ADGRB3: variants seen among roughly 807,000 people sequenced by gnomAD.
ADGRB3 encodes brain-specific angiogenesis inhibitor 3.
A neutral mutation model predicts 193.4 loss-of-function variants in ADGRB3; 37 were observed. The ratio of observed to expected loss-of-function variants is 0.19; its 90% CI spans 0.15 to 0.25. ADGRB3 has a LOEUF of 0.25. Ranked by LOEUF, ADGRB3 falls within the 10% of genes least tolerant of loss-of-function variation. The pLI is 1.00. For synonymous variants in ADGRB3, 690 were observed against 644.2 expected (o/e 1.07, Z -1.08); for missense variants, 1,637 against 1,852.9 (o/e 0.88, Z 2.14).
At chr6:68,673,961 A>C (rs1769023348) in intron 3 of ADGRB3, among the ~76,000 whole-genome samples, 1 of 152,124 alleles carries the variant, frequency 6.6e-6, no homozygotes, top group Non-Finnish European at 1.5e-5. Context: ...ATTATAGTAA[A>C]TTTAAGGAAA....
chr6:68,817,961 C>T lies in ADGRB3; in HGVS notation c.758-112598C>T, dbSNP rs149642157. On this transcript the variant is annotated intron_variant, in intron 3 of 31. Transcript: ENST00000370598. The stretch of plus-strand genomic sequence containing the variant: ...CATCATTTTAGAAACACTTGATTGA[C>T]GAAATTGAGAAATACATCTGTAAGT... Among the ~76,000 whole-genome samples, 209 of 151,932 alleles carry T rather than the reference C, an allele frequency of 1.4e-3. 1 individual carries two copies. Among genetic ancestry groups the T allele is most frequent in the African/African-American group, 4.0e-3 (166 of 41,462 alleles).
intron 3 of ADGRB3, among the ~76,000 whole-genome samples, chr6:68,709,714 A>G (rs531940796): frequency 1.3e-4 from 20 of 152,324 alleles, no homozygotes; most frequent in African/African-American, 4.6e-4. Context: ...CATCAAGGAC[A>G]TAGCTCATAA....
intron 17 of ADGRB3, among the ~76,000 whole-genome samples, chr6:69,221,182 G>C (rs1765885776): frequency 2.6e-5 from 4 of 151,834 alleles, no homozygotes; most frequent in Non-Finnish European, 5.9e-5. Flanking sequence ...CATTATTTTA[G>C]GCTGTCTAAA....
chr6:69,224,007 T>C (rs1765955383), intron 17 of ADGRB3, among the ~76,000 whole-genome samples: 1 of 151,906 alleles, frequency 6.6e-6, no homozygotes, highest in African/African-American at 2.4e-5. Context: ...GCAGAAGTAA[T>C]ATAGTTACAC....
chr6:69,160,320 C>G (rs571373188), intron 17 of ADGRB3, among the ~76,000 whole-genome samples: 1 of 152,028 alleles, frequency 6.6e-6, no homozygotes, highest in African/African-American at 2.4e-5. Context: ...TCATCTCTGC[C>G]CTCATGTGCT....
intron 3 of ADGRB3, among the ~76,000 whole-genome samples, chr6:68,779,254 G>GTT (rs1247085710): frequency 2.0e-5 from 3 of 151,364 alleles, no homozygotes; most frequent in Non-Finnish European, 4.4e-5. Flanking sequence ...GTGTGTGTGT[G>GTT]TGTGTGTAAC....
intron 3 of ADGRB3, among the ~76,000 whole-genome samples, chr6:68,926,436 T>C (rs1299386276): frequency 6.6e-6 from 1 of 152,098 alleles, no homozygotes; most frequent in Admixed American, 6.6e-5. Flanking sequence ...CAGGCATCAC[T>C]AGAAAAGCAG....
At chr6:69,055,507 A>G (rs546092790) in intron 15 of ADGRB3, among the ~76,000 whole-genome samples, 1 of 152,216 alleles carries the variant, frequency 6.6e-6, no homozygotes, top group African/African-American at 2.4e-5. Flanking sequence ...TTGTTTATGT[A>G]TATACCACAT....
intron 3 of ADGRB3, among the ~76,000 whole-genome samples, chr6:68,807,255 T>TTG (rs1767422105): frequency 7.0e-6 from 1 of 142,666 alleles, no homozygotes; most frequent in African/African-American, 2.7e-5. Flanking sequence ...TTTTTTTTTT[T>TTG]GAGACAGAGT....
chr6:68,727,725 G>T (rs1186027938), intron 3 of ADGRB3, among the ~76,000 whole-genome samples: 1 of 151,308 alleles, frequency 6.6e-6, no homozygotes, highest in Non-Finnish European at 1.5e-5. Context: ...GTGAAATTTG[G>T]GGCTTTATAT....
intron 3 of ADGRB3, among the ~76,000 whole-genome samples, chr6:68,817,213 C>A (rs1219459314): frequency 6.7e-6 from 1 of 148,792 alleles, no homozygotes; most frequent in African/African-American, 2.5e-5. Flanking sequence ...AACTCTGTAT[C>A]CTGCTTGACA....
At chr6:68,696,198 T>A (rs982352090) in intron 3 of ADGRB3, among the ~76,000 whole-genome samples, 4 of 152,034 alleles carry the variant, frequency 2.6e-5, no homozygotes, top group African/African-American at 9.7e-5. Flanking sequence ...AATTTCTCAT[T>A]TTCTCTTTAA....
chr6:68,638,809 G>T lies in ADGRB3; in HGVS notation c.134G>T (p.Ser45Ile). 1 of 1,614,096 alleles carries T rather than the reference G, an allele frequency of 6.2e-7. No individual in the cohort carries two copies. Among genetic ancestry groups the T allele is most frequent in the Non-Finnish European group, 8.5e-7 (1 of 1,180,018 alleles). ...GTCATTTATGGATCGTATTCTGTAA[G>T]TGAAATGTTTCCTAAAAACTTTACA... ...KGVIYGSYSV[S>I]EMFPKNFTNC... Residue 45 changes from serine to isoleucine, a missense_variant, in exon 3 of 32, where the codon AGT becomes ATT. Transcript: ENST00000370598.
chr6:69,009,202 A>T (rs1045600027), intron 11 of ADGRB3, among the ~76,000 whole-genome samples: 1 of 152,130 alleles, frequency 6.6e-6, no homozygotes, highest in Admixed American at 6.6e-5. Context: ...AAAAAACCCT[A>T]AACCAATCAT....
chr6:69,321,440 C>A (rs902771806), intron 20 of ADGRB3, among the ~76,000 whole-genome samples: 1 of 151,594 alleles, frequency 6.6e-6, no homozygotes, highest in Non-Finnish European at 1.5e-5. Flanking sequence ...TAGTGGAAGT[C>A]GACACATGGA....
chr6:69,267,773 T>C (rs540703890), intron 20 of ADGRB3, among the ~76,000 whole-genome samples: 173 of 152,254 alleles, frequency 1.1e-3, no homozygotes, highest in Non-Finnish European at 1.8e-3. Flanking sequence ...TACATTACCC[T>C]GCCAAGTGAA....
In ADGRB3 at chr6:69,029,036, G is replaced by A. The variant is rs1225472869; in HGVS notation, c.2107+10537G>A. On this transcript the variant is annotated intron_variant, in intron 13 of 31. Transcript: ENST00000370598. ...CATCAGTGCCTCCCATTCAGAGTGGGTGCATTTTTTTCCCCTTTACATCTT... is the reference window on the plus strand; with the variant it reads ...CATCAGTGCCTCCCATTCAGAGTGGATGCATTTTTTTCCCCTTTACATCTT... Among the ~76,000 whole-genome samples, 3 of 152,082 alleles carry A rather than the reference G, an allele frequency of 2.0e-5. No homozygotes were observed. The East Asian group carries it at 5.8e-4, about 29-fold the overall frequency.
At chr6:68,701,119 A>C (rs1306986842) in intron 3 of ADGRB3, among the ~76,000 whole-genome samples, 1 of 151,958 alleles carries the variant, frequency 6.6e-6, no homozygotes, top group Non-Finnish European at 1.5e-5. Context: ...TTAAATTATA[A>C]AAAGCACTTC....
chr6:69,234,229 T>C (rs1766214112), intron 18 of ADGRB3, among the ~76,000 whole-genome samples: 1 of 152,222 alleles, frequency 6.6e-6, no homozygotes, highest in Non-Finnish European at 1.5e-5. Flanking sequence ...ACTCTCAATG[T>C]TAACAATGTG....
Sources: gnomAD v4.1 joint callset for allele counts (sites outside exome capture counted in the v4.1 genomes callset) on GRCh38, gnomAD v4.1.1 for gene constraint, MANE v1.5 for transcripts, NCBI Gene and HGNC (gene_info 2026-07-23, HGNC 2026-07-21) for gene names.